Variants in ZNF532 observed in about 807,000 individuals in gnomAD.
The protein encoded by ZNF532 is zinc finger protein 532.
Under a neutral mutation model 89.3 loss-of-function variants are expected in ZNF532, and 22 were observed. That is an observed-to-expected ratio of 0.25 (90% CI 0.18 to 0.35). ZNF532 has a LOEUF of 0.35. ZNF532 is among the 10% of genes least tolerant of loss of function. The pLI is 1.00. For missense variants in ZNF532, 1,132 were observed against 1,643.4 expected (o/e 0.69, Z 5.38); for synonymous variants, 606 against 649.6 (o/e 0.93, Z 1.02).
At chr18:58,954,455 C>A in intron 7 of ZNF532, 1 of 192,196 alleles carries the variant, frequency 5.2e-6, no homozygotes, top group Non-Finnish European at 9.5e-6. Context: ...AGGCTGTATT[C>A]ACATTTCCTG....
Position 58,940,923 on chromosome 18 carries a change from TACACACACAC to T in ZNF532, c.2705+1329_2705+1338del, listed in dbSNP as rs200614911. Among the ~76,000 whole-genome samples, 565 of 118,640 alleles carry T rather than the reference TACACACACAC, an allele frequency of 4.8e-3. 25 individuals carry two copies. The East Asian group carries it at 0.081, about 17-fold the overall frequency. 77.8% of individuals were successfully genotyped at this position (118,640 alleles called of 152,430 possible). ...GAAGATACACAGCTATGCCATATTT[TACACACACAC>T]ACACACACACACACACACACACACA... On this transcript the variant is annotated intron_variant, in intron 5 of 9. Coordinates refer to ENST00000591808, the MANE Select transcript of ZNF532 (RefSeq NM_001375912.1).
At chr18:58,865,887 C>T (rs1309040100) in intron 2 of ZNF532, among the ~76,000 whole-genome samples, 2 of 152,100 alleles carry the variant, frequency 1.3e-5, no homozygotes, top group Non-Finnish European at 2.9e-5. Flanking sequence ...TTGCATAAGA[C>T]GAAAGCAGTA....
At chr18:58,883,383 T>C (rs1407202353) in intron 2 of ZNF532, among the ~76,000 whole-genome samples, 2 of 152,190 alleles carry the variant, frequency 1.3e-5, no homozygotes, top group East Asian at 3.8e-4. Flanking sequence ...AATTGTTTCA[T>C]GATTAGCCAG....
chr18:58,939,672 A>G, intron 5 of ZNF532, 51 bp downstream of exon 5: 1 of 1,546,056 alleles, frequency 6.5e-7, no homozygotes, highest in Non-Finnish European at 8.8e-7. Flanking sequence ...TTAGCAATTT[A>G]GAAGCAAGGT....
chr18:58,982,834 C>G (rs1195670591), intron 9 of ZNF532, among the ~76,000 whole-genome samples: 1 of 151,296 alleles, frequency 6.6e-6, no homozygotes, highest in Non-Finnish European at 1.5e-5. Context: ...ATGTGTGAAG[C>G]CAAGGCGTGG....
chr18:58,880,289 G>GC (rs2057780607), intron 2 of ZNF532, among the ~76,000 whole-genome samples: 1 of 152,226 alleles, frequency 6.6e-6, no homozygotes, highest in South Asian at 2.1e-4. Flanking sequence ...GGGAAACTCT[G>GC]TTTATTTGGA....
rs142104041 is a variant in ZNF532 at position 58,984,233 on chromosome 18, G to T, written c.3673G>T (p.Val1225Leu). ...CTCTCTGTCCAGGCACCTCTTCATCGTACACAAGTTAAAGGAACCTCAGCC... is the reference window on the plus strand; with the variant it reads ...CTCTCTGTCCAGGCACCTCTTCATCTTACACAAGTTAAAGGAACCTCAGCC... ...HVSLSRHLFIVHKLKEPQPVS... is the reference protein window; with the variant it reads ...HVSLSRHLFILHKLKEPQPVS... The change falls in exon 10 of 10, where the codon GTA (valine) becomes TTA (leucine). Residue 1225 changes from valine (V) to leucine (L), a missense_variant. Around this residue, in one of 9 missense-constraint regions of ZNF532, gnomAD observed 415 missense variants for 604.8 expected, o/e 0.69. Transcript: ENST00000591808. 5 of 1,611,752 alleles carry T rather than the reference G, an allele frequency of 3.1e-6. No individual in the cohort carries two copies. The highest frequency in any genetic ancestry group is 3.3e-5 in the Admixed American group (2 of 59,968).
chr18:58,930,877 T>A (rs967019948), intron 3 of ZNF532, among the ~76,000 whole-genome samples: 7 of 152,226 alleles, frequency 4.6e-5, no homozygotes, highest in African/African-American at 1.7e-4. Flanking sequence ...TGTTATTTTT[T>A]ATTTTTTTCC....
chr18:58,977,093 G>A (rs189058744), intron 7 of ZNF532, among the ~76,000 whole-genome samples: 2 of 152,134 alleles, frequency 1.3e-5, no homozygotes, highest in African/African-American at 4.8e-5. Flanking sequence ...TTCCCCCAGA[G>A]ATGAACAGCA....
At chr18:58,920,735 C>CGTGTGTGTGTGTGTGT (rs5825306) in intron 3 of ZNF532, 102 bp downstream of exon 3, 1 of 409,032 alleles carries the variant, frequency 2.4e-6, no homozygotes, top group Admixed American at 3.9e-5. Flanking sequence ...GTGAAATGGA[C>CGTGTGTGTGTGTGTGT]GTGTGTGTGT....
At position 58,985,296 on chromosome 18, in the gene ZNF532, A is replaced by T. The variant is rs1164121124; in HGVS notation, c.*830A>T. ...CTGGACTACTATAAAAGTTACAAAT[A>T]CGTAGTTAGACCAATAGATTTATAT... On this transcript the variant is annotated 3_prime_UTR_variant, in exon 10 of 10. Transcript: ENST00000591808. The T allele has an allele frequency of 1.3e-5, 2 of 152,544 alleles. No homozygotes were observed. The highest frequency in any genetic ancestry group is 2.9e-5 in the Non-Finnish European group (2 of 68,046). 9.4% of individuals were successfully genotyped at this position (152,544 alleles called of 1,614,324 possible). A position where few individuals can be genotyped will look rare whatever the true frequency, so the allele number is the denominator to read the frequency against.
intron 2 of ZNF532, among the ~76,000 whole-genome samples, chr18:58,869,761 TG>T (rs1332145315): frequency 6.8e-6 from 1 of 146,016 alleles, no homozygotes; most frequent in East Asian, 2.1e-4. Flanking sequence ...TTGGAAGATC[TG>T]TTTTTTTTTT....
chr18:58,951,689 G>A (rs972038762), intron 6 of ZNF532, among the ~76,000 whole-genome samples: 1 of 97,514 alleles, frequency 1.0e-5, no homozygotes, highest in Non-Finnish European at 1.8e-5. Flanking sequence ...TTGCTCCGTC[G>A]CCCAAGCTGG....
At chr18:58,978,670 C>G (rs1278950017) in intron 7 of ZNF532, among the ~76,000 whole-genome samples, 28 of 152,064 alleles carry the variant, frequency 1.8e-4, no homozygotes, top group Admixed American at 1.8e-3. Flanking sequence ...TTCCTAAATA[C>G]AGGTTGAGTA....
chr18:58,881,107 CTT>C (rs796877706), intron 2 of ZNF532, among the ~76,000 whole-genome samples: 2 of 144,270 alleles, frequency 1.4e-5, no homozygotes. Flanking sequence ...TTCTTTTTTT[CTT>C]TTTTTTTTTT....
At chr18:58,911,007 G>C (rs1200982232) in intron 2 of ZNF532, among the ~76,000 whole-genome samples, 1 of 152,118 alleles carries the variant, frequency 6.6e-6, no homozygotes, top group South Asian at 2.1e-4. Context: ...GCCTCCCAAA[G>C]TGTTGGAATC....
intron 2 of ZNF532, among the ~76,000 whole-genome samples, chr18:58,908,853 A>G (rs1443568210): frequency 6.6e-6 from 1 of 152,232 alleles, no homozygotes; most frequent in East Asian, 1.9e-4. Flanking sequence ...ACTTCAGAAA[A>G]TCCAGCATTT....
At chr18:58,869,690 T>G (rs2056800796) in intron 2 of ZNF532, among the ~76,000 whole-genome samples, 1 of 152,086 alleles carries the variant, frequency 6.6e-6, no homozygotes, top group Non-Finnish European at 1.5e-5. Context: ...TGAAAATGTT[T>G]AAGCAATATT....
chr18:58,888,697 T>TCA (rs1555708768), intron 2 of ZNF532, among the ~76,000 whole-genome samples: 3 of 45,336 alleles, frequency 6.6e-5, no homozygotes, highest in Non-Finnish European at 1.0e-4. Flanking sequence ...AAAAAAAAAA[T>TCA]TATATATATA....
Sources: allele counts gnomAD v4.1 joint callset (sites outside exome capture counted in the v4.1 genomes callset), GRCh38; gene constraint gnomAD v4.1.1; regional missense constraint gnomAD v4.1.1; transcripts MANE v1.5; gene names NCBI Gene and HGNC (gene_info 2026-07-23, HGNC 2026-07-21).